XPR1: variants seen among roughly 807,000 people sequenced by gnomAD.
XPR1 encodes xenotropic and polytropic retrovirus receptor 1.
XPR1 carries 28 observed loss-of-function variants against 87.5 expected under a neutral mutation model. The ratio of observed to expected loss-of-function variants is 0.32; its 90% CI spans 0.24 to 0.44. The LOEUF (loss-of-function observed/expected upper bound fraction) is 0.44, where lower values mean the gene tolerates loss of function less well. Ranked by LOEUF, XPR1 falls within the 20% of genes least tolerant of loss-of-function variation. The pLI, the probability that XPR1 is intolerant of heterozygous loss-of-function variation, is 1.00. For synonymous variants in XPR1, 300 were observed against 306.1 expected (o/e 0.98, Z 0.21); for missense variants, 559 against 862.3 (o/e 0.65, Z 4.41).
Position 180,691,711 on chromosome 1 carries a change from C to T in XPR1, c.121+9300C>T, listed in dbSNP as rs1037484404. 4.6e-5 allele frequency among the ~76,000 whole-genome samples: 7 copies of T among 152,196 alleles called. No individual in the cohort carries two copies. The East Asian group carries it at 1.4e-3, about 29-fold the overall frequency. On this transcript the variant is annotated intron_variant, in intron 2 of 14. Transcript: ENST00000367590. ...AGATGTGTTACAGTCTCCCTAAGCT[C>T]CTTAGAATTCAGTTCTTAGTGACAT...
At chr1:180,633,084 A>G (rs1654646609) in intron 1 of XPR1, among the ~76,000 whole-genome samples, 1 of 152,240 alleles carries the variant, frequency 6.6e-6, no homozygotes, top group Non-Finnish European at 1.5e-5. Flanking sequence ...TGTAAACAAT[A>G]TACCTTACCT....
intron 2 of XPR1, among the ~76,000 whole-genome samples, chr1:180,710,852 C>T (rs981978041): frequency 1.1e-4 from 16 of 150,830 alleles, no homozygotes; most frequent in African/African-American, 2.2e-4. Flanking sequence ...CCCTCCCGAA[C>T]GGGGCAGCTG....
intron 5 of XPR1, 111 bp downstream of exon 5, chr1:180,806,322 A>G: frequency 2.0e-6 from 3 of 1,500,344 alleles, no homozygotes; most frequent in Non-Finnish European, 1.8e-6. Context: ...TTGAATATAT[A>G]TGCCTTACCT....
intron 11 of XPR1, among the ~76,000 whole-genome samples, chr1:180,859,790 T>C (rs1652159198): frequency 6.6e-6 from 1 of 152,116 alleles, no homozygotes; most frequent in Non-Finnish European, 1.5e-5. Context: ...ACTTCTAATA[T>C]AAAAAATTAG....
At chr1:180,680,787 C>A (rs1656551753) in intron 1 of XPR1, among the ~76,000 whole-genome samples, 1 of 152,048 alleles carries the variant, frequency 6.6e-6, no homozygotes, top group Non-Finnish European at 1.5e-5. Context: ...TAACTAGTAG[C>A]CAAGATAGGG....
chr1:180,825,045 T>C, intron 8 of XPR1, 102 bp downstream of exon 8: 2 of 1,498,354 alleles, frequency 1.3e-6, no homozygotes, highest in Non-Finnish European at 1.8e-6. Context: ...TTGAAGAGGA[T>C]TATTAGCTTA....
rs183137144 is a variant in XPR1, at chr1:180,738,452, A to G, written c.122-49301A>G. Among the ~76,000 whole-genome samples, 56 of 152,302 alleles carry G rather than the reference A, an allele frequency of 3.7e-4. 2 individuals carry two copies. In the East Asian group the frequency reaches 8.7e-3, roughly 24 times the overall value. Reference sequence around the variant, plus strand: ...TATGTTTTATTTTAGCTATCTTAATATTTGTATAAATAGGATCTCATTGCA... The same window carrying G: ...TATGTTTTATTTTAGCTATCTTAATGTTTGTATAAATAGGATCTCATTGCA... On this transcript the variant is annotated intron_variant, in intron 2 of 14. Coordinates refer to ENST00000367590, the MANE Select transcript of XPR1 (RefSeq NM_004736.4).
intron 2 of XPR1, among the ~76,000 whole-genome samples, chr1:180,771,680 C>A (rs1005489052): frequency 2.0e-5 from 3 of 152,168 alleles, no homozygotes; most frequent in African/African-American, 7.2e-5. Context: ...TTGATTTGTA[C>A]AATATCTAAG....
intron 14 of XPR1, among the ~76,000 whole-genome samples, chr1:180,880,848 A>T (rs545500273): frequency 1.3e-5 from 2 of 152,206 alleles, no homozygotes; most frequent in Non-Finnish European, 2.9e-5. Flanking sequence ...CAATATTTTT[A>T]TCAGTCATTG....
chr1:180,807,290 G>A (rs1650033053), intron 6 of XPR1, among the ~76,000 whole-genome samples: 1 of 152,182 alleles, frequency 6.6e-6, no homozygotes, highest in Non-Finnish European at 1.5e-5. Context: ...TTTTGCCAGT[G>A]ACTTGATGAT....
At chr1:180,661,927 CACTG>C (rs1379168869) in intron 1 of XPR1, among the ~76,000 whole-genome samples, 2 of 152,114 alleles carry the variant, frequency 1.3e-5, no homozygotes, top group Admixed American at 6.6e-5. Flanking sequence ...CTGATGACAA[CACTG>C]ACTGCATAAA....
chr1:180,793,429 T>C (rs1406533375), intron 3 of XPR1, among the ~76,000 whole-genome samples: 1 of 152,166 alleles, frequency 6.6e-6, no homozygotes, highest in Non-Finnish European at 1.5e-5. Flanking sequence ...TTACAAATGA[T>C]ACATGTGTCT....
Position 180,878,893 on chromosome 1 carries a change from T to A in XPR1, c.1809-1183T>A, listed in dbSNP as rs541957438. Among the ~76,000 whole-genome samples, 4 of 152,354 alleles carry A rather than the reference T, an allele frequency of 2.6e-5. No homozygotes were observed. The East Asian group carries it at 7.7e-4, about 29-fold the overall frequency. On this transcript the variant is annotated intron_variant, in intron 13 of 14. Transcript: ENST00000367590. ...TGTTAGAGTGTTCCAGGATTTAATC[T>A]TCTGCCCTCTTGTCTCCTCTAGTTG... is the stretch of plus-strand genomic sequence containing the variant.
At chr1:180,813,254 A>G (rs970226779) in intron 7 of XPR1, among the ~76,000 whole-genome samples, 3 of 152,142 alleles carry the variant, frequency 2.0e-5, no homozygotes, top group African/African-American at 7.2e-5. Context: ...TCTTAGATGC[A>G]TCAAGCTCAT....
intron 1 of XPR1, among the ~76,000 whole-genome samples, chr1:180,650,388 A>C (rs1325120920): frequency 6.6e-6 from 1 of 152,170 alleles, no homozygotes; most frequent in Non-Finnish European, 1.5e-5. Flanking sequence ...GGTGCACAGC[A>C]CTATGCCTGG....
At chr1:180,665,769 G>T (rs1346277125) in intron 1 of XPR1, among the ~76,000 whole-genome samples, 3 of 152,180 alleles carry the variant, frequency 2.0e-5, no homozygotes, top group African/African-American at 7.2e-5. Context: ...ATTCAAGATT[G>T]TCCGTCCTAC....
chr1:180,801,068 A>G (rs1649763515), intron 3 of XPR1, among the ~76,000 whole-genome samples: 1 of 152,312 alleles, frequency 6.6e-6, no homozygotes, highest in South Asian at 2.1e-4. Flanking sequence ...GTGTGCAAAA[A>G]CATCTGTCCT....
chr1:180,632,353 A>C, intron 1 of XPR1, 83 bp downstream of exon 1: 1 of 1,514,564 alleles, frequency 6.6e-7, no homozygotes, highest in East Asian at 2.4e-5. Context: ...CTTCCGCTTC[A>C]GCTGGCTCCC....
intron 3 of XPR1, among the ~76,000 whole-genome samples, chr1:180,795,203 A>G (rs748447608): frequency 6.6e-6 from 1 of 152,210 alleles, no homozygotes; most frequent in Non-Finnish European, 1.5e-5. Flanking sequence ...TAACAACATA[A>G]CAGCTTTGCC....
Sources: gnomAD v4.1 joint callset for allele counts (sites outside exome capture counted in the v4.1 genomes callset) on GRCh38, gnomAD v4.1.1 for gene constraint, MANE v1.5 for transcripts, NCBI Gene and HGNC (gene_info 2026-07-23, HGNC 2026-07-21) for gene names.